The following DLG2 variants were observed in gnomAD, a reference collection of about 807,000 sequenced individuals.
The protein encoded by DLG2 is disks large homolog 2.
Under a neutral mutation model 132.5 loss-of-function variants are expected in DLG2, and 45 were observed. That is an observed-to-expected ratio of 0.34 (90% CI 0.27 to 0.44). DLG2 has a LOEUF of 0.44. DLG2 is among the 20% of genes least tolerant of loss of function. The pLI, the probability that DLG2 is intolerant of heterozygous loss-of-function variation, is 1.00. For missense variants in DLG2, 1,045 were observed against 1,196.9 expected, an observed-to-expected ratio of 0.87 and a Z score of 1.87; for synonymous variants, 424 against 419.6, an observed-to-expected ratio of 1.01 and a Z score of -0.13.
intron 11 of DLG2, among the ~76,000 whole-genome samples, chr11:84,037,116 C>T (rs1458322691): frequency 6.6e-6 from 1 of 152,080 alleles, no homozygotes; most frequent in Non-Finnish European, 1.5e-5. Flanking sequence ...ATCCATGTAA[C>T]AGGTAATATA....
intron 23 of DLG2, 36 bp from the exon 24 acceptor site, chr11:83,471,763 A>G (rs2092054865): frequency 6.4e-7 from 1 of 1,570,116 alleles, no homozygotes; most frequent in South Asian, 1.1e-5. Context: ...GGTAAAGAGA[A>G]AGAGTTGGAA....
At chr11:84,233,225 G>A (rs1168621223) in intron 8 of DLG2, among the ~76,000 whole-genome samples, 1 of 152,188 alleles carries the variant, frequency 6.6e-6, no homozygotes, top group African/African-American at 2.4e-5. Context: ...TGGTCAGGTA[G>A]TTAACCGCTA....
intron 6 of DLG2, among the ~76,000 whole-genome samples, chr11:85,047,102 T>G (rs1398396619): frequency 6.6e-6 from 1 of 151,970 alleles, no homozygotes; most frequent in Non-Finnish European, 1.5e-5. Context: ...TTCTTTCTTC[T>G]TCTACACAAT....
intron 7 of DLG2, among the ~76,000 whole-genome samples, chr11:84,497,324 A>G (rs2099187385): frequency 6.6e-6 from 1 of 152,124 alleles, no homozygotes; most frequent in South Asian, 2.1e-4. Context: ...TAGCTAAGTA[A>G]GTAGGAGAGC....
intron 6 of DLG2, among the ~76,000 whole-genome samples, chr11:84,734,207 C>G (rs538304441): frequency 5.3e-5 from 8 of 152,102 alleles, no homozygotes; most frequent in Middle Eastern, 3.4e-3. Context: ...GGATGGCATT[C>G]AATCTATAAA....
chr11:85,040,129 C>T (rs2061733254), intron 6 of DLG2, among the ~76,000 whole-genome samples: 2 of 151,828 alleles, frequency 1.3e-5, no homozygotes, highest in South Asian at 4.1e-4. Context: ...TAAATTATAA[C>T]CCTATTGTAG....
At chr11:84,498,508 A>G (rs2099192259) in intron 7 of DLG2, among the ~76,000 whole-genome samples, 1 of 152,208 alleles carries the variant, frequency 6.6e-6, no homozygotes, top group Admixed American at 6.5e-5. Context: ...CACAGATACA[A>G]ATATCATCAA....
At chr11:85,487,031 T>C (rs558792277) in intron 3 of DLG2, among the ~76,000 whole-genome samples, 109 of 148,172 alleles carry the variant, frequency 7.4e-4, no homozygotes, top group African/African-American at 2.6e-3. Context: ...CCACTGACCC[T>C]GTGTGCTGAT....
chr11:85,614,991 T>C (rs971761904), intron 2 of DLG2, among the ~76,000 whole-genome samples: 1 of 152,212 alleles, frequency 6.6e-6, no homozygotes, highest in Non-Finnish European at 1.5e-5. Flanking sequence ...ATAATTATTC[T>C]TTGCAATTAT....
At chr11:85,506,048 G>T (rs924765137) in intron 3 of DLG2, among the ~76,000 whole-genome samples, 10 of 152,284 alleles carry the variant, frequency 6.6e-5, no homozygotes, top group East Asian at 3.9e-4. Context: ...TTGTATTTCT[G>T]TGGGATCAGT....
rs981094687 is a variant in DLG2 at position 83,781,312 on chromosome 11, C to T, written c.1825+5378G>A. Among the ~76,000 whole-genome samples the T allele has an allele frequency of 7.2e-5, 11 of 152,090 alleles. No individual in the cohort carries two copies. The East Asian group carries it at 1.4e-3, about 19-fold the overall frequency. ...ACATTTTACATTTATTTGAGAGGGGCTTTTTTGGTTCACTGCTTTGTTATT... is the reference window on the plus strand; with the variant it reads ...ACATTTTACATTTATTTGAGAGGGGTTTTTTTGGTTCACTGCTTTGTTATT... On this transcript the variant is annotated intron_variant, in intron 18 of 27. Coordinates refer to ENST00000376104, the MANE Select transcript of DLG2 (RefSeq NM_001142699.3).
At chr11:85,505,286 C>T (rs1171067303) in intron 3 of DLG2, among the ~76,000 whole-genome samples, 1 of 152,110 alleles carries the variant, frequency 6.6e-6, no homozygotes, top group Non-Finnish European at 1.5e-5. Context: ...AGAGGGCATC[C>T]CTGTCTTGCA....
chr11:84,373,178 C>T (rs11605400), intron 7 of DLG2, among the ~76,000 whole-genome samples: 30,962 of 142,654 alleles, frequency 0.22, 4,633 homozygotes, highest in African/African-American at 0.43. Context: ...AAACTCCAGA[C>T]GACTATCTGG....
At chr11:85,231,588 T>C (rs948703380) in intron 4 of DLG2, among the ~76,000 whole-genome samples, 1 of 151,980 alleles carries the variant, frequency 6.6e-6, no homozygotes, top group South Asian at 2.1e-4. Context: ...TCCTATCTAG[T>C]GATTTCTTAA....
chr11:83,689,938 AT>A (rs2080582391), intron 18 of DLG2, among the ~76,000 whole-genome samples: 1 of 141,780 alleles, frequency 7.1e-6, no homozygotes, highest in African/African-American at 2.6e-5. Context: ...TAAATATATA[AT>A]ATATATTATA....
chr11:85,100,263 G>A (rs1369967445), intron 6 of DLG2, among the ~76,000 whole-genome samples: 1 of 152,068 alleles, frequency 6.6e-6, no homozygotes, highest in East Asian at 1.9e-4. Flanking sequence ...GAGTTCTCTA[G>A]TGCTGATAAT....
chr11:84,802,118 A>T (rs1368191847), intron 6 of DLG2, among the ~76,000 whole-genome samples: 1 of 152,026 alleles, frequency 6.6e-6, no homozygotes, highest in Non-Finnish European at 1.5e-5. Flanking sequence ...AAGCAAAAAA[A>T]AAAAAGCATG....
chr11:83,790,893 T>G (rs2041355224), intron 17 of DLG2: 2 of 788,566 alleles, frequency 2.5e-6, no homozygotes, highest in Admixed American at 2.1e-5. Context: ...ACACATCCCC[T>G]CATCTAAAGG....
At chr11:84,992,825 T>C (rs1287059477) in intron 6 of DLG2, among the ~76,000 whole-genome samples, 1 of 152,212 alleles carries the variant, frequency 6.6e-6, no homozygotes, top group Non-Finnish European at 1.5e-5. Context: ...AAAAATTTTC[T>C]CCCATTCTGT....
Sources: gnomAD v4.1 joint callset for allele counts (sites outside exome capture counted in the v4.1 genomes callset) on GRCh38, gnomAD v4.1.1 for gene constraint, MANE v1.5 for transcripts, NCBI Gene and HGNC (gene_info 2026-07-23, HGNC 2026-07-21) for gene names.